ADGRB3: variants seen among roughly 807,000 people sequenced by gnomAD.
The protein encoded by ADGRB3 is adhesion G protein-coupled receptor B3.
A neutral mutation model predicts 193.4 loss-of-function variants in ADGRB3; 37 were observed. The ratio of observed to expected loss-of-function variants is 0.19; its 90% CI spans 0.15 to 0.25. The LOEUF (loss-of-function observed/expected upper bound fraction) is 0.25. ADGRB3 is among the 10% of genes least tolerant of loss of function. The pLI is 1.00. For missense variants in ADGRB3, 1,637 were observed against 1,852.9 expected, an observed-to-expected ratio of 0.88 and a Z score of 2.14; for synonymous variants, 690 against 644.2, an observed-to-expected ratio of 1.07 and a Z score of -1.08.
chr6:69,005,560 G>T, intron 11 of ADGRB3, among the ~76,000 whole-genome samples: 1 of 152,056 alleles, frequency 6.6e-6, no homozygotes, highest in Non-Finnish European at 1.5e-5. Context: ...TTTTCACATG[G>T]TCTTTTGTGA....
At chr6:69,122,974 G>GTA (rs1166157133) in intron 17 of ADGRB3, among the ~76,000 whole-genome samples, 84 of 142,232 alleles carry the variant, frequency 5.9e-4, no homozygotes, top group Middle Eastern at 3.7e-3. Context: ...ATATATGTGT[G>GTA]TATATATATA....
intron 17 of ADGRB3, among the ~76,000 whole-genome samples, chr6:69,090,675 A>T (rs1772680261): frequency 6.6e-6 from 1 of 152,236 alleles, no homozygotes; most frequent in African/African-American, 2.4e-5. Flanking sequence ...AAAGTCAAAT[A>T]AAGATCATGG....
At chr6:69,217,382 T>C (rs1468105052) in intron 17 of ADGRB3, among the ~76,000 whole-genome samples, 1 of 152,072 alleles carries the variant, frequency 6.6e-6, no homozygotes, top group Admixed American at 6.5e-5. Context: ...ATAAAACTTG[T>C]ATGGGAGAAA....
chr6:69,150,798 G>C (rs1774651579), intron 17 of ADGRB3, among the ~76,000 whole-genome samples: 1 of 152,156 alleles, frequency 6.6e-6, no homozygotes, highest in African/African-American at 2.4e-5. Flanking sequence ...TTCAGGACCC[G>C]AGGGCTCTTT....
chr6:68,840,688 A>AAAACAAGC (rs1768139792), intron 3 of ADGRB3, among the ~76,000 whole-genome samples: 1 of 151,298 alleles, frequency 6.6e-6, no homozygotes, highest in Admixed American at 6.6e-5. Flanking sequence ...GAGGATCACA[A>AAAACAAGC]AAACAAACAA....
chr6:69,083,360 G>C (rs1772448063), intron 17 of ADGRB3, among the ~76,000 whole-genome samples: 1 of 152,134 alleles, frequency 6.6e-6, no homozygotes, highest in Non-Finnish European at 1.5e-5. Flanking sequence ...TTACTGAAGA[G>C]ATTTGCAACT....
intron 17 of ADGRB3, among the ~76,000 whole-genome samples, chr6:69,094,607 T>C (rs936359930): frequency 6.6e-6 from 1 of 152,256 alleles, no homozygotes; most frequent in Non-Finnish European, 1.5e-5. Context: ...ATTGTAGTTA[T>C]CAGAAGTCGG....
chr6:68,874,919 G>T (rs1765549630), intron 3 of ADGRB3, among the ~76,000 whole-genome samples: 1 of 152,118 alleles, frequency 6.6e-6, no homozygotes, highest in African/African-American at 2.4e-5. Context: ...TCTAGTAGTA[G>T]GGCAAATGCT....
At position 69,327,524 on chromosome 6, in the gene ADGRB3, GA is replaced by G. The variant is rs1295280856; in HGVS notation, c.2966-289del. On this transcript the variant is annotated intron_variant, in intron 21 of 31. Coordinates refer to ENST00000370598, the MANE Select transcript of ADGRB3 (RefSeq NM_001704.3). The stretch of plus-strand genomic sequence containing the variant: ...CTTTATAACAGTGTAAACCCCTAGG[GA>G]AAAAAATAACTTAAAAGATGTACTA... Among the ~76,000 whole-genome samples the G allele has an allele frequency of 2.6e-5, 4 of 152,026 alleles. No homozygotes were observed. The East Asian group carries it at 5.8e-4, about 22-fold the overall frequency.
intron 7 of ADGRB3, 106 bp downstream of exon 7, chr6:68,956,294 T>TAC: frequency 1.2e-6 from 1 of 863,622 alleles, no homozygotes; most frequent in South Asian, 2.4e-5. Context: ...ATAATCATTA[T>TAC]ATATATATGT....
At chr6:69,223,040 C>A (rs1297475261) in intron 17 of ADGRB3, among the ~76,000 whole-genome samples, 1 of 152,106 alleles carries the variant, frequency 6.6e-6, no homozygotes, top group East Asian at 1.9e-4. Flanking sequence ...CTCCACCCAT[C>A]TCTATTTTCT....
At chr6:69,026,047 A>T (rs1770425139) in intron 13 of ADGRB3, among the ~76,000 whole-genome samples, 1 of 152,182 alleles carries the variant, frequency 6.6e-6, no homozygotes, top group African/African-American at 2.4e-5. Context: ...CAGCTTTAAG[A>T]GGTCTCAGAC....
At chr6:69,026,233 AGGGT>A (rs1436597876) in intron 13 of ADGRB3, among the ~76,000 whole-genome samples, 4 of 152,216 alleles carry the variant, frequency 2.6e-5, no homozygotes, top group Non-Finnish European at 4.4e-5. Flanking sequence ...AGCAGTCGAC[AGGGT>A]GAGTGGTTAA....
intron 3 of ADGRB3, among the ~76,000 whole-genome samples, chr6:68,814,766 C>G (rs901113909): frequency 8.1e-6 from 1 of 123,538 alleles, no homozygotes; most frequent in Non-Finnish European, 1.7e-5. Context: ...AATCCAGCAG[C>G]ACATCAAAAA....
intron 20 of ADGRB3, among the ~76,000 whole-genome samples, chr6:69,323,709 A>G (rs1282397272): frequency 6.6e-6 from 1 of 152,068 alleles, no homozygotes; most frequent in Admixed American, 6.6e-5. Context: ...CATTTACACA[A>G]CCTGGTGGAT....
chr6:68,642,277 G>T (rs879613050), intron 3 of ADGRB3, among the ~76,000 whole-genome samples: 1 of 152,072 alleles, frequency 6.6e-6, no homozygotes, highest in Non-Finnish European at 1.5e-5. Context: ...AGATTGTTTT[G>T]TGTAATACTG....
At chr6:69,219,825 A>C (rs1057215804) in intron 17 of ADGRB3, among the ~76,000 whole-genome samples, 7 of 151,978 alleles carry the variant, frequency 4.6e-5, no homozygotes, top group Non-Finnish European at 8.8e-5. Context: ...TACATTTTAC[A>C]TCCTTTACCT....
At chr6:68,684,236 G>A (rs1017250621) in intron 3 of ADGRB3, among the ~76,000 whole-genome samples, 3 of 151,876 alleles carry the variant, frequency 2.0e-5, no homozygotes, top group Non-Finnish European at 2.9e-5. Flanking sequence ...TGTCACTCTG[G>A]ATTTAATCTA....
chr6:68,683,441 T>C (rs1460526634), intron 3 of ADGRB3, among the ~76,000 whole-genome samples: 1 of 152,206 alleles, frequency 6.6e-6, no homozygotes, highest in African/African-American at 2.4e-5. Flanking sequence ...TCATTATTAT[T>C]AAATTTTTAA....
Sources: gnomAD v4.1 joint callset for allele counts (sites outside exome capture counted in the v4.1 genomes callset) on GRCh38, gnomAD v4.1.1 for gene constraint, MANE v1.5 for transcripts, NCBI Gene and HGNC (gene_info 2026-07-23, HGNC 2026-07-21) for gene names.